Variants in NECTIN3 observed in about 807,000 individuals in gnomAD.
NECTIN3 encodes nectin-3.
Under a neutral mutation model 49.4 loss-of-function variants are expected in NECTIN3, and 8 were observed. That is an observed-to-expected ratio of 0.16 (90% CI 0.10 to 0.29). The LOEUF (loss-of-function observed/expected upper bound fraction) is 0.29. NECTIN3 is among the 10% of genes least tolerant of loss of function. The pLI is 1.00. For synonymous variants in NECTIN3, 277 were observed against 241.1 expected (o/e 1.15, Z -1.38); for missense variants, 581 against 654.6 (o/e 0.89, Z 1.23).
In NECTIN3 at chr3:111,152,399, G is replaced by C. The variant is rs141625047; in HGVS notation, c.1221+4915G>C. ...TTCTCCACAACCTCACCAATAGTATGTATATGTATACCACTTGATTATTGC... is the reference window on the plus strand; with the variant it reads ...TTCTCCACAACCTCACCAATAGTATCTATATGTATACCACTTGATTATTGC... On this transcript the variant is annotated intron_variant, in intron 7 of 8. Transcript: ENST00000493615. Among the ~76,000 whole-genome samples the C allele has an allele frequency of 3.8e-4, 57 of 151,918 alleles. No homozygotes were observed. The East Asian group carries it at 0.011, about 29-fold the overall frequency.
intron 4 of NECTIN3, 120 bp downstream of exon 4, chr3:111,122,358 A>C: frequency 1.4e-6 from 1 of 726,212 alleles, no homozygotes; most frequent in East Asian, 3.0e-5. Context: ...ATTTTAATTA[A>C]ATTTTCTGTC....
intron 7 of NECTIN3, among the ~76,000 whole-genome samples, chr3:111,162,377 G>A (rs541980107): frequency 6.6e-6 from 1 of 152,240 alleles, no homozygotes; most frequent in African/African-American, 2.4e-5. Context: ...TCCCCATGCT[G>A]CTGTTCTTGT....
intron 1 of NECTIN3, among the ~76,000 whole-genome samples, chr3:111,093,494 G>T (rs2107398687): frequency 6.6e-6 from 1 of 151,440 alleles, no homozygotes; most frequent in South Asian, 2.1e-4. Flanking sequence ...GAGTGCAATG[G>T]CGTGATCTTG....
At chr3:111,144,845 T>C in intron 5 of NECTIN3, 1 of 1,488,450 alleles carries the variant, frequency 6.7e-7, no homozygotes, top group East Asian at 2.5e-5. Flanking sequence ...GGTATGCAAT[T>C]TCAAGAATTA....
intron 5 of NECTIN3, among the ~76,000 whole-genome samples, chr3:111,129,763 C>G (rs2034308758): frequency 6.6e-6 from 1 of 151,624 alleles, no homozygotes; most frequent in Admixed American, 6.6e-5. Context: ...GTTCTCCTGC[C>G]TCAGCCTCCC....
Position 111,135,038 on chromosome 3 carries a change from T to C in NECTIN3, c.*823T>C, listed in dbSNP as rs2034529507. The C allele has an allele frequency of 5.1e-6, 5 of 981,522 alleles. 1 individual carries two copies. In the South Asian group the frequency reaches 2.4e-4, roughly 46 times the overall value. 60.8% of individuals were successfully genotyped at this position (981,522 alleles called of 1,614,324 possible). A position where few individuals can be genotyped will look rare whatever the true frequency, so the allele number is the denominator to read the frequency against. ...ATTAGCAGTAGCCTTATTTTAATGCTTTATGTCCTAAACATACTAATAGAA... is the reference window on the plus strand; with the variant it reads ...ATTAGCAGTAGCCTTATTTTAATGCCTTATGTCCTAAACATACTAATAGAA... On this transcript the variant is annotated 3_prime_UTR_variant, in exon 6 of 6. Transcript: ENST00000485303.
intron 5 of NECTIN3, among the ~76,000 whole-genome samples, chr3:111,129,081 CAT>C (rs1394703163): frequency 6.6e-6 from 1 of 152,184 alleles, no homozygotes; most frequent in Non-Finnish European, 1.5e-5. Context: ...GTTCTTCAAA[CAT>C]AGCAGGCACA....
intron 1 of NECTIN3, among the ~76,000 whole-genome samples, chr3:111,088,379 T>C (rs934940527): frequency 2.6e-5 from 4 of 152,200 alleles, no homozygotes; most frequent in African/African-American, 9.7e-5. Flanking sequence ...AATTGTGAGC[T>C]AAATAAACCT....
chr3:111,105,883 C>A (rs1218228105), intron 1 of NECTIN3, among the ~76,000 whole-genome samples: 3 of 151,880 alleles, frequency 2.0e-5, no homozygotes, highest in Admixed American at 6.6e-5. Flanking sequence ...ATTACTCCTT[C>A]ATGTCTGTAA....
intron 6 of NECTIN3, among the ~76,000 whole-genome samples, chr3:111,145,916 G>A (rs191840494): frequency 1.8e-3 from 269 of 152,208 alleles, no homozygotes; most frequent in African/African-American, 6.2e-3. Flanking sequence ...AAAGACATTT[G>A]TGTGTCAGTT....
chr3:111,147,352 T>G, intron 6 of NECTIN3: 1 of 1,338,468 alleles, frequency 7.5e-7, no homozygotes, highest in South Asian at 1.4e-5. Flanking sequence ...CTTTTGCTTT[T>G]TTTTTTTTTC....
intron 1 of NECTIN3, among the ~76,000 whole-genome samples, chr3:111,076,577 T>A (rs1255109821): frequency 2.6e-5 from 4 of 152,106 alleles, no homozygotes; most frequent in African/African-American, 9.7e-5. Context: ...TCTAAAATGG[T>A]CTTTAAATTG....
chr3:111,147,966 A>G (rs1229952512), intron 7 of NECTIN3, among the ~76,000 whole-genome samples: 2 of 152,158 alleles, frequency 1.3e-5, no homozygotes, highest in Admixed American at 6.5e-5. Context: ...CAGTGCTTCT[A>G]TCTTGTATTC....
At chr3:111,162,364 G>C (rs1175752917) in intron 7 of NECTIN3, among the ~76,000 whole-genome samples, 1 of 152,070 alleles carries the variant, frequency 6.6e-6, no homozygotes, top group East Asian at 1.9e-4. Flanking sequence ...ATGGGGGCAG[G>C]TTTCCCCATG....
Position 111,128,140 on chromosome 3 carries a change from T to G in NECTIN3, c.1069+1805T>G, listed in dbSNP as rs2034241254. Among the ~76,000 whole-genome samples the G allele has an allele frequency of 2.0e-5, 3 of 151,868 alleles. No homozygotes were observed. The South Asian group carries it at 6.2e-4, about 32-fold the overall frequency. On this transcript the variant is annotated intron_variant, in intron 5 of 5. Coordinates refer to ENST00000485303, the MANE Select transcript of NECTIN3 (RefSeq NM_015480.3). Reference sequence around the variant, plus strand: ...ATCACCTGAGGTCAGGAGCTTGAGATCAGCCTGGCCACTATGGTGAAAACC... The same window carrying G: ...ATCACCTGAGGTCAGGAGCTTGAGAGCAGCCTGGCCACTATGGTGAAAACC...
In NECTIN3 at chr3:111,071,842, C is replaced by T. The variant is rs2030748015; in HGVS notation, c.-176C>T. On this transcript the variant is annotated 5_prime_UTR_variant, in exon 1 of 6. Transcript: ENST00000485303. ...GCCTCGGCAGTGGCGTCGGCGACGG[C>T]GGTGTCGAGGCAGCCGCCAGCGTTC... 4 of 395,304 alleles carry T rather than the reference C, an allele frequency of 1.0e-5. No individual in the cohort carries two copies. Among genetic ancestry groups the T allele is most frequent in the Non-Finnish European group, 1.7e-5 (4 of 231,032 alleles). The allele number at this position is 395,304 out of a possible 1,614,324, so 24.5% of individuals were successfully genotyped here. A position where few individuals can be genotyped will look rare whatever the true frequency, so the allele number is the denominator to read the frequency against.
At chr3:111,087,195 A>G (rs1326595217) in intron 1 of NECTIN3, among the ~76,000 whole-genome samples, 2 of 152,092 alleles carry the variant, frequency 1.3e-5, no homozygotes, top group South Asian at 2.1e-4. Context: ...TTTCTCTTCA[A>G]TGATTGTATT....
intron 7 of NECTIN3, among the ~76,000 whole-genome samples, chr3:111,154,085 CA>C (rs1271669484): frequency 6.6e-6 from 1 of 152,100 alleles, no homozygotes; most frequent in Non-Finnish European, 1.5e-5. Context: ...ATATACTTGG[CA>C]AATATCACCA....
intron 1 of NECTIN3, among the ~76,000 whole-genome samples, chr3:111,078,420 G>A (rs2031379175): frequency 6.6e-6 from 1 of 152,132 alleles, no homozygotes; most frequent in Admixed American, 6.6e-5. Flanking sequence ...ACTAGTCTCA[G>A]AAGGTAGGTT....
Sources: gnomAD v4.1 joint callset for allele counts (sites outside exome capture counted in the v4.1 genomes callset) on GRCh38, gnomAD v4.1.1 for gene constraint, MANE v1.5 for transcripts, NCBI Gene and HGNC (gene_info 2026-07-23, HGNC 2026-07-21) for gene names.